The following CCDC134 variants were observed in gnomAD, a reference collection of about 807,000 sequenced individuals.
CCDC134 encodes the protein coiled-coil domain containing 134.
Under a neutral mutation model 25.6 loss-of-function variants are expected in CCDC134, and 27 were observed. The observed-to-expected ratio is 1.05, with a 90% CI of 0.78 to 1.45. The LOEUF (loss-of-function observed/expected upper bound fraction) is 1.45. CCDC134 is among the 40% of genes most tolerant of loss of function. The probability of loss-of-function intolerance (pLI) is 0.00; values close to 1 mark genes in which losing one functional copy is unlikely to be tolerated. For synonymous variants in CCDC134, 110 were observed against 115.0 expected (o/e 0.96, Z 0.28); for missense variants, 261 against 286.7 (o/e 0.91, Z 0.65).
chr22:41,815,859 A>G (rs1420045640), intron 6 of CCDC134, among the ~76,000 whole-genome samples: 1 of 152,050 alleles, frequency 6.6e-6, no homozygotes, highest in Non-Finnish European at 1.5e-5. Context: ...TGTGCTGCCT[A>G]GGGTGATCTC....
At chr22:41,801,399 T>C (rs1261599357) in intron 1 of CCDC134, among the ~76,000 whole-genome samples, 3 of 152,118 alleles carry the variant, frequency 2.0e-5, no homozygotes, top group Non-Finnish European at 4.4e-5. Flanking sequence ...GGTAGTTCAG[T>C]AGCCAGCTCT....
chr22:41,824,684 C>T (rs1373534398), intron 6 of CCDC134, among the ~76,000 whole-genome samples: 4 of 152,056 alleles, frequency 2.6e-5, no homozygotes, highest in Non-Finnish European at 2.9e-5. Flanking sequence ...CGGTTGAACC[C>T]GGGAGGTGGA....
rs1006846385 is a variant in CCDC134, at chr22:41,825,932, G to A, written c.*109G>A. ...CACCAGCTAGCCCCTTCCAGAAGGG[G>A]AGGCCACATTTGCCCGGCCCCCTGG... On this transcript the variant is annotated 3_prime_UTR_variant, in exon 7 of 7. Transcript: ENST00000255784. The surrounding 1 kb of genome is among the most constrained non-coding windows in gnomAD (Gnocchi z 4.4). The A allele has an allele frequency of 8.7e-6, 13 of 1,486,318 alleles. No homozygotes were observed. The African/African-American group carries it at 1.4e-4, about 16-fold the overall frequency. The allele number at this position is 1,486,318 out of a possible 1,614,324, so 92.1% of individuals were successfully genotyped here.
chr22:41,819,694 G>T (rs1334076876), intron 6 of CCDC134, among the ~76,000 whole-genome samples: 2 of 151,960 alleles, frequency 1.3e-5, no homozygotes, highest in East Asian at 3.9e-4. Context: ...GTAAGGTGGG[G>T]GTGCAGTTGC....
rs571753508 is a variant in CCDC134 at position 41,825,645 on chromosome 22, GC to G, written c.565-52del. 3.2e-5 allele frequency: 52 copies of G among 1,610,172 alleles called. No homozygotes were observed. The African/African-American group carries it at 6.0e-4, about 19-fold the overall frequency. On this transcript the variant is annotated intron_variant, in intron 6 of 6. Coordinates refer to ENST00000255784, the MANE Select transcript of CCDC134 (RefSeq NM_024821.5). This position sits in a 1 kb window ranked among gnomAD's most constrained non-coding sequence, Gnocchi z 4.4. ...CACCCCGCTGGTGGCCTAGCTCAGA[GC>G]AGGCTCTTTGCTGCCACAGACTAAA...
chr22:41,829,843 G>A lies in CCDC134; in HGVS notation c.*4020G>A, dbSNP rs961606237. Among the ~76,000 whole-genome samples, 5 of 151,346 alleles carry A rather than the reference G, an allele frequency of 3.3e-5. No individual in the cohort carries two copies. The highest frequency in any genetic ancestry group is 5.9e-5 in the Non-Finnish European group (4 of 67,904). ...GCCTGGAGTGCAGTGGTGCGATCTCGGCTCACTGCAACCCCCGCCTCCCGG... is the reference window on the plus strand; with the variant it reads ...GCCTGGAGTGCAGTGGTGCGATCTCAGCTCACTGCAACCCCCGCCTCCCGG... On this transcript the variant is annotated 3_prime_UTR_variant, in exon 7 of 7. Transcript: ENST00000255784.
At chr22:41,804,098 A>C (rs902524526) in intron 1 of CCDC134, among the ~76,000 whole-genome samples, 8 of 152,146 alleles carry the variant, frequency 5.3e-5, no homozygotes, top group Admixed American at 1.3e-4. Flanking sequence ...GCACCACTGC[A>C]CTCCAGCCTG....
In CCDC134 at chr22:41,827,881, T is replaced by C. The variant is rs570664007; in HGVS notation, c.*2058T>C. Among the ~76,000 whole-genome samples the C allele has an allele frequency of 1.1e-3, 160 of 152,352 alleles. No individual in the cohort carries two copies. Among genetic ancestry groups the C allele is most frequent in the African/African-American group, 3.5e-3 (146 of 41,592 alleles). Reference sequence around the variant, plus strand: ...CTGCCGGAAGGACCAGGCCAGTCGCTGTCCTTTTCATGCTAGAGAGTGGTT... The same window carrying C: ...CTGCCGGAAGGACCAGGCCAGTCGCCGTCCTTTTCATGCTAGAGAGTGGTT... On this transcript the variant is annotated 3_prime_UTR_variant, in exon 7 of 7. Transcript: ENST00000255784.
chr22:41,819,501 T>C (rs973438497), intron 6 of CCDC134, among the ~76,000 whole-genome samples: 1 of 152,208 alleles, frequency 6.6e-6, no homozygotes, highest in Non-Finnish European at 1.5e-5. Context: ...CATTCATTCA[T>C]TCAGCATCAA....
chr22:41,815,440 C>T (rs1306219932), intron 6 of CCDC134, among the ~76,000 whole-genome samples: 4 of 151,830 alleles, frequency 2.6e-5, no homozygotes, highest in East Asian at 1.9e-4. Context: ...CTCCTGACCG[C>T]GTGATCCACC....
At chr22:41,817,072 T>C (rs2076626174) in intron 6 of CCDC134, among the ~76,000 whole-genome samples, 1 of 152,226 alleles carries the variant, frequency 6.6e-6, no homozygotes, top group Non-Finnish European at 1.5e-5. Flanking sequence ...AGACCTGTTA[T>C]ATCTCTTCTC....
intron 1 of CCDC134, among the ~76,000 whole-genome samples, chr22:41,801,678 C>T (rs1302078923): frequency 6.6e-6 from 1 of 152,110 alleles, no homozygotes; most frequent in Non-Finnish European, 1.5e-5. Context: ...CAACTCTTAT[C>T]CCTACTAGAG....
chr22:41,807,832 G>A (rs2076575971), intron 1 of CCDC134, among the ~76,000 whole-genome samples: 2 of 152,014 alleles, frequency 1.3e-5, no homozygotes, highest in Non-Finnish European at 1.5e-5. Context: ...ACCAGCCTGG[G>A]CAATATAGCA....
At position 41,825,685 on chromosome 22, in the gene CCDC134, C is replaced by T. The variant is rs1330451297; in HGVS notation, c.565-13C>T. The T allele has an allele frequency of 6.2e-7, 1 of 1,613,860 alleles. No homozygotes were observed. Among genetic ancestry groups the T allele is most frequent in the Non-Finnish European group, 8.5e-7 (1 of 1,179,884 alleles). On this transcript the variant is annotated splice_polypyrimidine_tract_variant and intron_variant, in intron 6 of 6. Coordinates refer to ENST00000255784, the MANE Select transcript of CCDC134 (RefSeq NM_024821.5). This position sits in a 1 kb window ranked among gnomAD's most constrained non-coding sequence, Gnocchi z 4.4. ...CCACAGACTAAATCAGACTGCTCTT[C>T]TCTTCCCTTCAGTTCATTCCCAGCA...
chr22:41,824,253 G>C (rs1361624285), intron 6 of CCDC134, among the ~76,000 whole-genome samples: 1 of 152,178 alleles, frequency 6.6e-6, no homozygotes, highest in Non-Finnish European at 1.5e-5. Context: ...GCAGAGGGGT[G>C]GGTGTTGGAA....
chr22:41,815,204 C>CTTTTTTTTT (rs869174312), intron 6 of CCDC134, among the ~76,000 whole-genome samples: 6 of 122,118 alleles, frequency 4.9e-5, no homozygotes, highest in East Asian at 2.2e-4. Flanking sequence ...CTTTTCTTTT[C>CTTTTTTTTT]TTTTTTTTTT....
chr22:41,808,665 C>T (rs1312767712), intron 1 of CCDC134, among the ~76,000 whole-genome samples: 1 of 152,164 alleles, frequency 6.6e-6, no homozygotes, highest in Admixed American at 6.5e-5. Context: ...ACACACTTAT[C>T]TTTCTCCCCA....
rs371211408 is a variant in CCDC134, at chr22:41,813,367, C to T, written c.414C>T (p.Leu138=). Residue 138 remains leucine, a synonymous_variant, in exon 5 of 7, where the codon CTC becomes CTT. Coordinates refer to ENST00000255784, the MANE Select transcript of CCDC134 (RefSeq NM_024821.5). The part of the protein sequence containing the change: ...YYFDHNSNWN[L]LIRWGISFCN... ...TTGACCACAACTCCAACTGGAACCT[C>T]CTCATCCGCTGGGGTATCAGTTTCT... The T allele has an allele frequency of 1.9e-6, 3 of 1,614,078 alleles. No individual in the cohort carries two copies. Among genetic ancestry groups the T allele is most frequent in the Non-Finnish European group, 2.5e-6 (3 of 1,180,048 alleles).
intron 6 of CCDC134, among the ~76,000 whole-genome samples, chr22:41,817,548 A>G (rs2076628475): frequency 6.6e-6 from 1 of 152,092 alleles, no homozygotes; most frequent in Admixed American, 6.6e-5. Context: ...CCTGGCCAAC[A>G]TGGTGAAACC....
Sources: allele counts gnomAD v4.1 joint callset (sites outside exome capture counted in the v4.1 genomes callset), GRCh38; gene constraint gnomAD v4.1.1; non-coding constraint Gnocchi (gnomAD v3.1); transcripts MANE v1.5; gene names NCBI Gene and HGNC (gene_info 2026-07-23, HGNC 2026-07-21).